The following SMCO2 variants were observed in gnomAD, a reference collection of about 807,000 sequenced individuals.
SMCO2 encodes single-pass membrane protein with coiled-coil domains 2, also known as single-pass membrane and coiled-coil domain-containing protein 2.
In SMCO2, 25 loss-of-function variants were observed where a neutral mutation model predicts 29.5. That is an observed-to-expected ratio of 0.85 (90% confidence interval 0.62 to 1.18). The LOEUF (loss-of-function observed/expected upper bound fraction) is 1.18. SMCO2 is among the 50% of genes most tolerant of loss of function. The pLI is 0.00. For synonymous variants in SMCO2, 117 were observed against 123.3 expected (o/e 0.95, Z 0.34); for missense variants, 348 against 344.5 (o/e 1.01, Z -0.08).
At chr12:27,457,190 C>T in the SMCO2 span, among the ~76,000 whole-genome samples, 2 of 152,148 alleles carry the variant, frequency 1.3e-5, no homozygotes, top group Admixed American at 1.3e-4. Flanking sequence ...CTCCCCTGAA[C>T]CCTGACTCCC....
At chr12:27,444,493 A>G in the SMCO2 span, among the ~76,000 whole-genome samples, 5 of 152,306 alleles carry the variant, frequency 3.3e-5, no homozygotes, top group South Asian at 1.0e-3. Flanking sequence ...AAAATAGACA[A>G]TTGGGATTAC....
At chr12:27,456,442 G>T in the SMCO2 span, among the ~76,000 whole-genome samples, 4 of 152,038 alleles carry the variant, frequency 2.6e-5, no homozygotes, top group African/African-American at 9.7e-5. Flanking sequence ...TGTTCTTAGT[G>T]TGTAACCTGG....
chr12:27,501,206 G>A (rs1416092944), intron 7 of SMCO2, among the ~76,000 whole-genome samples: 1 of 149,066 alleles, frequency 6.7e-6, no homozygotes, highest in Non-Finnish European at 1.5e-5. Flanking sequence ...CACGAGGTCA[G>A]GAGATCGAGA....
At chr12:27,439,123 TC>T in the SMCO2 span, among the ~76,000 whole-genome samples, 1 of 152,150 alleles carries the variant, frequency 6.6e-6, no homozygotes, top group African/African-American at 2.4e-5. Flanking sequence ...GGGAGAGATA[TC>T]CCTAAGGATA....
rs531224097 is a variant in SMCO2, at chr12:27,496,044, C to A, written c.683+189C>A. On this transcript the variant is annotated intron_variant, in intron 7 of 7. Transcript: ENST00000298876. ...GGATTTTTCTTATTTAGATAAAGAT[C>A]TATTGCATTCGATATATATAGATTG... Among the ~76,000 whole-genome samples the A allele has an allele frequency of 7.3e-5, 11 of 150,204 alleles. No homozygotes were observed. The East Asian group carries it at 2.1e-3, about 29-fold the overall frequency.
At chr12:27,458,060 G>T in the SMCO2 span, among the ~76,000 whole-genome samples, 1 of 152,146 alleles carries the variant, frequency 6.6e-6, no homozygotes, top group Middle Eastern at 3.2e-3. Context: ...AAAAGGTTTT[G>T]TATGCAGAAA....
the SMCO2 span, among the ~76,000 whole-genome samples, chr12:27,439,551 G>A: frequency 6.6e-6 from 1 of 152,182 alleles, no homozygotes; most frequent in African/African-American, 2.4e-5. Flanking sequence ...CCCCAACCAA[G>A]AATTCAAAAC....
chr12:27,443,921 C>A, the SMCO2 span, among the ~76,000 whole-genome samples: 9 of 152,132 alleles, frequency 5.9e-5, no homozygotes, highest in Admixed American at 2.6e-4. Context: ...AGATTCAATG[C>A]AATCCCTATC....
chr12:27,485,450 G>GCTTT (rs1484918113), intron 4 of SMCO2, among the ~76,000 whole-genome samples: 6 of 132,042 alleles, frequency 4.5e-5, no homozygotes, highest in African/African-American at 1.4e-4. Flanking sequence ...ATTTTTTTAA[G>GCTTT]TTTTTTTTTT....
At chr12:27,461,456 T>C in the SMCO2 span, among the ~76,000 whole-genome samples, 1 of 152,180 alleles carries the variant, frequency 6.6e-6, no homozygotes, top group Non-Finnish European at 1.5e-5. Flanking sequence ...CTCCTTTGTG[T>C]TCATGTGTAC....
intron 4 of SMCO2, among the ~76,000 whole-genome samples, chr12:27,481,090 C>A (rs933608211): frequency 6.6e-6 from 1 of 152,140 alleles, no homozygotes; most frequent in African/African-American, 2.4e-5. Context: ...GGTGATACTG[C>A]AGCTCTGGGT....
chr12:27,486,734 T>G (rs761366918), intron 4 of SMCO2, among the ~76,000 whole-genome samples: 3 of 152,248 alleles, frequency 2.0e-5, no homozygotes, highest in Non-Finnish European at 2.9e-5. Context: ...TAGTAAATGC[T>G]GAACAAATAC....
At chr12:27,424,275 T>G in the SMCO2 span, 4 of 152,238 alleles carry the variant, frequency 2.6e-5, no homozygotes. Flanking sequence ...GAACAATTAT[T>G]TATTGATCCT....
chr12:27,478,721 T>C (rs1195460463), intron 4 of SMCO2, among the ~76,000 whole-genome samples: 1 of 152,044 alleles, frequency 6.6e-6, no homozygotes, highest in Non-Finnish European at 1.5e-5. Context: ...ACAATGTACA[T>C]AGGCAGTGGC....
intron 4 of SMCO2, among the ~76,000 whole-genome samples, chr12:27,486,276 A>G (rs1334379537): frequency 2.6e-5 from 4 of 152,152 alleles, no homozygotes; most frequent in Non-Finnish European, 5.9e-5. Flanking sequence ...CTGCTGGGCA[A>G]ATCTACTCCA....
chr12:27,457,889 G>C, the SMCO2 span, among the ~76,000 whole-genome samples: 2 of 152,322 alleles, frequency 1.3e-5, no homozygotes, highest in Admixed American at 1.3e-4. Context: ...TGATGTTTTA[G>C]CTGGAAAAAG....
At chr12:27,461,463 G>T in the SMCO2 span, among the ~76,000 whole-genome samples, 1 of 152,062 alleles carries the variant, frequency 6.6e-6, no homozygotes, top group Non-Finnish European at 1.5e-5. Context: ...GTGTTCATGT[G>T]TACTCAATGT....
At chr12:27,495,943 C>A in intron 7 of SMCO2, 88 bp downstream of exon 8, 1 of 1,227,690 alleles carries the variant, frequency 8.1e-7, no homozygotes, top group South Asian at 3.0e-5. Context: ...CAAGTGTTGA[C>A]TAAAATGTTT....
chr12:27,436,525 G>C, the SMCO2 span, among the ~76,000 whole-genome samples: 1 of 152,048 alleles, frequency 6.6e-6, no homozygotes, highest in South Asian at 2.1e-4. Context: ...GAGAGGGGTA[G>C]AAAAGAAAAG....
Sources: allele counts gnomAD v4.1 joint callset (sites outside exome capture counted in the v4.1 genomes callset), GRCh38; gene constraint gnomAD v4.1.1; transcripts MANE v1.5; gene names NCBI Gene and HGNC (gene_info 2026-07-23, HGNC 2026-07-21).